Variants in SEMA3C observed in about 807,000 individuals in gnomAD.
The protein encoded by SEMA3C is semaphorin 3C, also known as semaphorin-3C.
In SEMA3C, 47 loss-of-function variants were observed where a neutral mutation model predicts 89.4. That is an observed-to-expected ratio of 0.53 (90% CI 0.42 to 0.67). SEMA3C has a LOEUF of 0.67. Ranked by LOEUF, SEMA3C falls within the 30% of genes least tolerant of loss-of-function variation. The probability of loss-of-function intolerance (pLI) is 0.00; values close to 1 mark genes in which losing one functional copy is unlikely to be tolerated. For missense variants in SEMA3C, 839 were observed against 929.1 expected (o/e 0.90, Z 1.26); for synonymous variants, 310 against 320.2 (o/e 0.97, Z 0.34).
At chr7:80,818,489 C>T in intron 4 of SEMA3C, 71 bp from the exon 5 acceptor site, 2 of 1,516,544 alleles carry the variant, frequency 1.3e-6, no homozygotes, top group Non-Finnish European at 1.8e-6. Flanking sequence ...GCTATGTTAA[C>T]CTGAGATCTT....
intron 15 of SEMA3C, among the ~76,000 whole-genome samples, chr7:80,753,496 C>T (rs1030040687): frequency 2.0e-5 from 3 of 152,096 alleles, no homozygotes; most frequent in Admixed American, 1.3e-4. Context: ...TATCACATAG[C>T]TTCTAGACAT....
Position 80,763,363 on chromosome 7 carries a change from A to G in SEMA3C, c.1444-1706T>C, listed in dbSNP as rs77345438. 9.7e-3 allele frequency among the ~76,000 whole-genome samples: 1,470 copies of G among 152,202 alleles called. 11 individuals are homozygous for G. Among genetic ancestry groups the G allele is most frequent in the Non-Finnish European group, 0.015 (989 of 68,006 alleles). On this transcript the variant is annotated intron_variant, in intron 13 of 17. Coordinates refer to ENST00000265361, the MANE Select transcript of SEMA3C (RefSeq NM_006379.5). ...CTCACCTCAGAAATGTGACACAAAC[A>G]CCATGCTGAAGACAGTAACTGTATT...
intron 2 of SEMA3C, among the ~76,000 whole-genome samples, chr7:80,887,779 G>A (rs536099488): frequency 9.6e-4 from 146 of 152,212 alleles, no homozygotes; most frequent in South Asian, 4.1e-3. Context: ...AATCTTAAAA[G>A]ACTCCAAATA....
At chr7:80,894,434 T>C (rs1224227089) in intron 2 of SEMA3C, among the ~76,000 whole-genome samples, 1 of 152,172 alleles carries the variant, frequency 6.6e-6, no homozygotes, top group Non-Finnish European at 1.5e-5. Context: ...AGTTTTTCAA[T>C]ATTACAAGAA....
chr7:80,754,883 T>C (rs1002615981), intron 15 of SEMA3C, among the ~76,000 whole-genome samples: 2 of 151,928 alleles, frequency 1.3e-5, no homozygotes, highest in African/African-American at 4.8e-5. Context: ...GTTCAAATGA[T>C]TCTCCTGCCT....
At chr7:80,824,828 T>C (rs1789833954) in intron 4 of SEMA3C, among the ~76,000 whole-genome samples, 1 of 152,160 alleles carries the variant, frequency 6.6e-6, no homozygotes. Flanking sequence ...ATGTCCACCT[T>C]GCAGTATTGT....
In SEMA3C at chr7:80,836,438, G is replaced by A. The variant is rs190584762; in HGVS notation, c.104-7693C>T. Among the ~76,000 whole-genome samples, 2 of 152,328 alleles carry A rather than the reference G, an allele frequency of 1.3e-5. 1 individual carries two copies. The highest frequency in any genetic ancestry group is 1.3e-4 in the Admixed American group (2 of 15,300). The stretch of plus-strand genomic sequence containing the variant: ...CACGCCTGTAATCCCAGCACTTTGG[G>A]AGGCTGAGACAGGTGGATCACCTGA... On this transcript the variant is annotated intron_variant, in intron 2 of 17. Transcript: ENST00000265361.
At chr7:80,788,097 T>C (rs974136339) in intron 12 of SEMA3C, among the ~76,000 whole-genome samples, 5 of 152,190 alleles carry the variant, frequency 3.3e-5, no homozygotes, top group African/African-American at 1.2e-4. Context: ...GGAAATTTTA[T>C]TTAGCCAAGA....
upstream of SEMA3C, among the ~76,000 whole-genome samples, chr7:80,921,932 T>G (rs545986876): frequency 6.6e-6 from 1 of 152,282 alleles, no homozygotes; most frequent in East Asian, 1.9e-4. Flanking sequence ...TATTTCAAAT[T>G]TAAAGAAAAC....
At chr7:80,921,983 T>TAAAAAAAA (rs2116279624), upstream of SEMA3C, among the ~76,000 whole-genome samples, 1 of 152,304 alleles carries the variant, frequency 6.6e-6, no homozygotes, top group Non-Finnish European at 1.5e-5. Flanking sequence ...GTAAATAAAC[T>TAAAAAAAA]TTACCCTAAC....
intron 15 of SEMA3C, among the ~76,000 whole-genome samples, chr7:80,752,177 T>C (rs1041184481): frequency 3.9e-5 from 6 of 152,330 alleles, no homozygotes; most frequent in South Asian, 2.1e-4. Flanking sequence ...TTTAACAACA[T>C]AATCTAATGC....
chr7:80,798,339 C>A (rs1789116879), intron 10 of SEMA3C, 103 bp from the exon 11 acceptor site: 1 of 1,045,014 alleles, frequency 9.6e-7, no homozygotes. Flanking sequence ...TATAATCCAC[C>A]ATAGAAAAGT....
At chr7:80,805,215 C>A (rs1789310135) in intron 7 of SEMA3C, among the ~76,000 whole-genome samples, 1 of 151,958 alleles carries the variant, frequency 6.6e-6, no homozygotes, top group Non-Finnish European at 1.5e-5. Context: ...GAGGCCCCGG[C>A]TATACTCTGT....
At chr7:80,838,013 A>C in intron 2 of SEMA3C, among the ~76,000 whole-genome samples, 1 of 152,140 alleles carries the variant, frequency 6.6e-6, no homozygotes, top group East Asian at 1.9e-4. Context: ...TGTTTGCTAT[A>C]TTGATTTTTA....
chr7:80,751,365 C>CT (rs150202864), intron 15 of SEMA3C, 29 bp from the exon 16 acceptor site: 2 of 1,594,750 alleles, frequency 1.3e-6, no homozygotes, highest in East Asian at 4.5e-5. Context: ...ATAAAAGTGA[C>CT]TGAGAATTAT....
intron 15 of SEMA3C, among the ~76,000 whole-genome samples, chr7:80,752,471 A>G (rs1033372757): frequency 3.9e-5 from 6 of 151,960 alleles, no homozygotes; most frequent in African/African-American, 1.4e-4. Flanking sequence ...TTAGCTGGGC[A>G]TGGTGGTGCA....
At chr7:80,771,115 A>G (rs894796222) in intron 12 of SEMA3C, among the ~76,000 whole-genome samples, 1 of 152,238 alleles carries the variant, frequency 6.6e-6, no homozygotes, top group Admixed American at 6.5e-5. Flanking sequence ...AATAAAAATT[A>G]AACAAGTAAG....
chr7:80,900,447 G>C (rs1791851539), intron 2 of SEMA3C, among the ~76,000 whole-genome samples: 1 of 152,124 alleles, frequency 6.6e-6, no homozygotes, highest in Non-Finnish European at 1.5e-5. Flanking sequence ...GTCACATCTT[G>C]ATAAGTGTTT....
intron 2 of SEMA3C, among the ~76,000 whole-genome samples, chr7:80,886,900 A>C (rs1791492955): frequency 6.6e-6 from 1 of 152,208 alleles, no homozygotes. Context: ...AAGACCAGTA[A>C]GAAAAGAATT....
Sources: allele counts gnomAD v4.1 joint callset (sites outside exome capture counted in the v4.1 genomes callset), GRCh38; gene constraint gnomAD v4.1.1; transcripts MANE v1.5; gene names NCBI Gene and HGNC (gene_info 2026-07-23, HGNC 2026-07-21).